The following DTNB variants were observed in gnomAD, a reference collection of about 807,000 sequenced individuals.
The protein encoded by DTNB is dystrobrevin beta.
A neutral mutation model predicts 90.7 loss-of-function variants in DTNB; 63 were observed. The observed-to-expected ratio is 0.69, with a 90% confidence interval of 0.57 to 0.86. DTNB has a LOEUF of 0.86. Ranked by LOEUF, DTNB falls within the 40% of genes least tolerant of loss-of-function variation. The pLI is 0.00. For missense variants in DTNB, 744 were observed against 807.1 expected (o/e 0.92, Z 0.95); for synonymous variants, 277 against 286.7 (o/e 0.97, Z 0.34).
At chr2:25,404,258 A>C (rs2044471236) in intron 16 of DTNB, among the ~76,000 whole-genome samples, 1 of 152,212 alleles carries the variant, frequency 6.6e-6, no homozygotes. Flanking sequence ...CACAGCAGAG[A>C]AACAGAGGAA....
At chr2:25,526,364 T>TATATATATATATATATATATATATAA in intron 9 of DTNB, among the ~76,000 whole-genome samples, 1 of 90,778 alleles carries the variant, frequency 1.1e-5, no homozygotes, top group South Asian at 3.5e-4. Context: ...TATATATAAA[T>TATATATATATATATATATATATATAA]ATATATATAT....
At chr2:25,405,468 A>G (rs1224286326) in intron 16 of DTNB, among the ~76,000 whole-genome samples, 2 of 152,112 alleles carry the variant, frequency 1.3e-5, no homozygotes, top group African/African-American at 4.8e-5. Context: ...TTGAACTGGG[A>G]AACGGAGGTT....
chr2:25,536,510 C>T (rs547132685), intron 8 of DTNB, among the ~76,000 whole-genome samples: 1 of 152,246 alleles, frequency 6.6e-6, no homozygotes, highest in African/African-American at 2.4e-5. Context: ...GAGACCAGCC[C>T]GGTCAACACG....
At chr2:25,590,400 A>G (rs950566650) in intron 6 of DTNB, among the ~76,000 whole-genome samples, 5 of 152,196 alleles carry the variant, frequency 3.3e-5, no homozygotes, top group Admixed American at 3.3e-4. Context: ...GCAATAGAAC[A>G]GTTCGGAGGA....
In DTNB at chr2:25,534,630, C is replaced by T. The variant is rs562339535; in HGVS notation, c.877-3033G>A. Among the ~76,000 whole-genome samples the T allele has an allele frequency of 9.7e-3, 1,422 of 146,402 alleles. 26 individuals are homozygous for T. Among genetic ancestry groups the T allele is most frequent in the African/African-American group, 0.034 (1,349 of 39,300 alleles). On this transcript the variant is annotated intron_variant, in intron 8 of 20. Coordinates refer to ENST00000406818, the MANE Select transcript of DTNB (RefSeq NM_021907.5). ...CTCCTCACTTCCCAGTCGGGGCGGC[C>T]GGGCAGAGGTGCTCCTCACCTCCCA...
intron 16 of DTNB, among the ~76,000 whole-genome samples, chr2:25,398,889 C>T (rs2043014335): frequency 6.6e-6 from 1 of 152,152 alleles, no homozygotes; most frequent in Non-Finnish European, 1.5e-5. Flanking sequence ...CCTCTGAATC[C>T]CTGTGCTCAG....
chr2:25,413,948 C>T (rs2047238594), intron 16 of DTNB, among the ~76,000 whole-genome samples: 1 of 152,170 alleles, frequency 6.6e-6, no homozygotes, highest in African/African-American at 2.4e-5. Context: ...CCTGTTGTTT[C>T]CTGACTTTTT....
intron 10 of DTNB, among the ~76,000 whole-genome samples, chr2:25,478,912 T>C (rs1377006232): frequency 6.6e-6 from 1 of 152,154 alleles, no homozygotes. Context: ...TGTTCTGCAG[T>C]GGCGGGGAGC....
At chr2:25,634,144 T>A (rs189566863) in intron 3 of DTNB, among the ~76,000 whole-genome samples, 3,760 of 142,712 alleles carry the variant, frequency 0.026, 93 homozygotes, top group African/African-American at 0.06. Context: ...AGCCGCCCCA[T>A]CCGGGAGGTG....
At chr2:25,493,922 A>AT (rs949119806) in intron 9 of DTNB, among the ~76,000 whole-genome samples, 17 of 152,254 alleles carry the variant, frequency 1.1e-4, no homozygotes, top group African/African-American at 3.9e-4. Context: ...AACCAAATAC[A>AT]TGTAAGACTA....
intron 9 of DTNB, among the ~76,000 whole-genome samples, chr2:25,518,819 T>C (rs1480051438): frequency 1.3e-5 from 2 of 152,120 alleles, no homozygotes; most frequent in Non-Finnish European, 2.9e-5. Flanking sequence ...TACCAGGACA[T>C]AGTGAAGCTC....
At chr2:25,430,312 A>C (rs142154125) in intron 14 of DTNB, among the ~76,000 whole-genome samples, 6 of 152,280 alleles carry the variant, frequency 3.9e-5, no homozygotes, top group African/African-American at 1.2e-4. Context: ...TCTAGTCTTC[A>C]TACTCTCTAC....
chr2:25,536,658 T>C (rs569296546), intron 8 of DTNB, among the ~76,000 whole-genome samples: 7 of 151,770 alleles, frequency 4.6e-5, no homozygotes, highest in East Asian at 1.9e-4. Flanking sequence ...GCCGAGATCA[T>C]GGCAGTACAG....
intron 12 of DTNB, among the ~76,000 whole-genome samples, chr2:25,445,077 G>A (rs898100600): frequency 1.3e-5 from 2 of 152,208 alleles, no homozygotes; most frequent in African/African-American, 4.8e-5. Context: ...AGGGAGTACT[G>A]AAATCTTTTC....
intron 10 of DTNB, among the ~76,000 whole-genome samples, chr2:25,466,057 G>A (rs898393270): frequency 9.2e-5 from 14 of 152,256 alleles, no homozygotes; most frequent in South Asian, 4.1e-4. Context: ...ACTTAAGGCC[G>A]GGTGTGGTGG....
chr2:25,646,615 T>G (rs2079518642), intron 2 of DTNB, among the ~76,000 whole-genome samples: 1 of 152,236 alleles, frequency 6.6e-6, no homozygotes, highest in Admixed American at 6.5e-5. Flanking sequence ...CCCAGGTCTT[T>G]GGATAAACTC....
At position 25,652,581 on chromosome 2, in the gene DTNB, A is replaced by C. The variant is rs745394141; in HGVS notation, c.67+13T>G. The C allele has an allele frequency of 4.4e-6, 7 of 1,607,496 alleles. No homozygotes were observed. Among genetic ancestry groups the C allele is most frequent in the African/African-American group, 1.3e-5 (1 of 74,248 alleles). On this transcript the variant is annotated intron_variant, in intron 2 of 20. Transcript: ENST00000406818. ...AACATTCCCGCACATATGAACAAGGACTCAAGACTCACGCATTTCTATGAA... is the reference window on the plus strand; with the variant it reads ...AACATTCCCGCACATATGAACAAGGCCTCAAGACTCACGCATTTCTATGAA...
chr2:25,401,662 C>T (rs1313534202), intron 16 of DTNB, among the ~76,000 whole-genome samples: 3 of 152,342 alleles, frequency 2.0e-5, no homozygotes, highest in South Asian at 2.1e-4. Context: ...TCCTGGCACA[C>T]ATTATAGTCA....
intron 14 of DTNB, among the ~76,000 whole-genome samples, chr2:25,430,043 C>G (rs2053338607): frequency 6.6e-6 from 1 of 152,030 alleles, no homozygotes; most frequent in African/African-American, 2.4e-5. Context: ...TCTACCACCT[C>G]CATGGTTCCA....
Sources: allele counts gnomAD v4.1 joint callset (sites outside exome capture counted in the v4.1 genomes callset), GRCh38; gene constraint gnomAD v4.1.1; transcripts MANE v1.5; gene names NCBI Gene and HGNC (gene_info 2026-07-23, HGNC 2026-07-21).